Variants in PGM5 observed in about 807,000 individuals in gnomAD.
The protein encoded by PGM5 is phosphoglucomutase 5.
A neutral mutation model predicts 59.2 loss-of-function variants in PGM5; 23 were observed. The observed-to-expected ratio is 0.39, with a 90% CI of 0.28 to 0.55. The LOEUF (loss-of-function observed/expected upper bound fraction) is 0.55, where lower values mean the gene tolerates loss of function less well. PGM5 is among the 20% of genes least tolerant of loss of function. The pLI is 0.66. For missense variants in PGM5, 574 were observed against 748.3 expected, an observed-to-expected ratio of 0.77 and a Z score of 2.72; for synonymous variants, 214 against 286.0, an observed-to-expected ratio of 0.75 and a Z score of 2.54.
chr9:68,460,706 A>T (rs934036425), intron 6 of PGM5, among the ~76,000 whole-genome samples: 1 of 152,220 alleles, frequency 6.6e-6, no homozygotes, highest in Non-Finnish European at 1.5e-5. Flanking sequence ...CAGCCCTTTT[A>T]ACAACTCCTT....
At chr9:68,427,627 C>A (rs1321415435) in intron 6 of PGM5, among the ~76,000 whole-genome samples, 1 of 152,166 alleles carries the variant, frequency 6.6e-6, no homozygotes, top group African/African-American at 2.4e-5. Flanking sequence ...ACATTATATG[C>A]TTTCCATTTG....
At chr9:68,512,377 G>T (rs1415631676) in intron 10 of PGM5, among the ~76,000 whole-genome samples, 1 of 152,206 alleles carries the variant, frequency 6.6e-6, no homozygotes, top group African/African-American at 2.4e-5. Context: ...AGCTGTATTA[G>T]TTTGCTAGGG....
intron 7 of PGM5, among the ~76,000 whole-genome samples, chr9:68,471,517 T>G (rs7039686): frequency 0.16 from 24,237 of 151,110 alleles, 3,876 homozygotes; most frequent in African/African-American, 0.4. Flanking sequence ...CTTAAACAGG[T>G]TATGGTGGTT....
intron 6 of PGM5, among the ~76,000 whole-genome samples, chr9:68,452,569 C>T (rs1823713485): frequency 6.6e-6 from 1 of 152,176 alleles, no homozygotes; most frequent in Non-Finnish European, 1.5e-5. Context: ...CACGGGTGAT[C>T]CTGAATGCAA....
chr9:68,510,341 T>C (rs1554689286), intron 10 of PGM5, among the ~76,000 whole-genome samples: 3 of 151,860 alleles, frequency 2.0e-5, no homozygotes, highest in African/African-American at 7.3e-5. Flanking sequence ...TTAGTAGAGA[T>C]GGGCTTTCAC....
At chr9:68,381,640 G>GCACACACA (rs4014841) in intron 2 of PGM5, among the ~76,000 whole-genome samples, 39 of 145,374 alleles carry the variant, frequency 2.7e-4, no homozygotes, top group African/African-American at 9.6e-4. Flanking sequence ...TTCTACACAT[G>GCACACACA]CACACACACA....
intron 10 of PGM5, among the ~76,000 whole-genome samples, chr9:68,525,823 G>A (rs1422917692): frequency 6.6e-6 from 1 of 152,132 alleles, no homozygotes; most frequent in Non-Finnish European, 1.5e-5. Context: ...TTGGGAGGCC[G>A]AGGCGGGCAA....
intron 6 of PGM5, among the ~76,000 whole-genome samples, chr9:68,442,236 GA>G (rs1587811448): frequency 1.3e-5 from 2 of 152,268 alleles, no homozygotes; most frequent in East Asian, 3.9e-4. Flanking sequence ...GGAACTAGAA[GA>G]GGCAGAACAA....
At chr9:68,512,007 G>T (rs1381780028) in intron 10 of PGM5, among the ~76,000 whole-genome samples, 1 of 152,196 alleles carries the variant, frequency 6.6e-6, no homozygotes, top group African/African-American at 2.4e-5. Context: ...TTGTCAGAAG[G>T]TTCAAGGATG....
chr9:68,523,062 C>T (rs1348610315), intron 10 of PGM5, among the ~76,000 whole-genome samples: 1 of 152,184 alleles, frequency 6.6e-6, no homozygotes, highest in East Asian at 1.9e-4. Flanking sequence ...CAGTTCAAAT[C>T]CCCGAGGCAA....
intron 6 of PGM5, among the ~76,000 whole-genome samples, chr9:68,448,258 T>A (rs116960270): frequency 6.6e-6 from 1 of 152,114 alleles, no homozygotes; most frequent in Non-Finnish European, 1.5e-5. Flanking sequence ...TCCAAAGGTA[T>A]GAACCCTCTG....
intron 6 of PGM5, among the ~76,000 whole-genome samples, chr9:68,432,239 G>T (rs1554683084): frequency 6.8e-6 from 1 of 147,114 alleles, no homozygotes. Flanking sequence ...TTGCTCTGTT[G>T]CCCAGGCTGG....
intron 1 of PGM5, among the ~76,000 whole-genome samples, chr9:68,374,207 TACAA>T (rs1373309146): frequency 4.6e-5 from 7 of 152,338 alleles, no homozygotes; most frequent in African/African-American, 1.4e-4. Context: ...GAACAAAAGC[TACAA>T]ACATTTTTCA....
chr9:68,405,823 C>A (rs1263286934), intron 6 of PGM5: 1 of 141,268 alleles, frequency 7.1e-6, no homozygotes, highest in South Asian at 2.4e-4. Flanking sequence ...ATCTTCCCTT[C>A]CATGTTCCCT....
intron 6 of PGM5, chr9:68,397,748 G>A (rs1171042755): frequency 1.3e-5 from 2 of 152,146 alleles, no homozygotes; most frequent in East Asian, 3.9e-4. Flanking sequence ...GGTGGGCATC[G>A]AGCATCTTGC....
intron 6 of PGM5, among the ~76,000 whole-genome samples, chr9:68,423,391 A>AT (rs782536601): frequency 6.6e-5 from 10 of 152,100 alleles, no homozygotes; most frequent in African/African-American, 1.4e-4. Flanking sequence ...CATCTACTAT[A>AT]TTTTTTTATT....
intron 6 of PGM5, chr9:68,400,834 A>C (rs1168811143): frequency 4.6e-5 from 7 of 152,642 alleles, no homozygotes; most frequent in African/African-American, 1.7e-4. Context: ...AAGCAACTGC[A>C]TTGTAGTTAT....
intron 2 of PGM5, among the ~76,000 whole-genome samples, chr9:68,378,810 A>T (rs1821991296): frequency 6.6e-6 from 1 of 152,040 alleles, no homozygotes; most frequent in Non-Finnish European, 1.5e-5. Context: ...CTTTCTCTCA[A>T]AATCATAGAA....
intron 6 of PGM5, among the ~76,000 whole-genome samples, chr9:68,432,535 T>A (rs1823371609): frequency 6.6e-6 from 1 of 152,178 alleles, no homozygotes; most frequent in African/African-American, 2.4e-5. Context: ...GACGTTATAT[T>A]TACACTTTAA....
Sources: gnomAD v4.1 joint callset for allele counts (sites outside exome capture counted in the v4.1 genomes callset) on GRCh38, gnomAD v4.1.1 for gene constraint, MANE v1.5 for transcripts, NCBI Gene and HGNC (gene_info 2026-07-23, HGNC 2026-07-21) for gene names.